CPAP: variants seen among roughly 807,000 people sequenced by gnomAD.
CPAP encodes centrosomal P4.1-associated protein.
the CPAP span, among the ~76,000 whole-genome samples, chr13:24,915,505 T>C: frequency 1.3e-5 from 2 of 152,000 alleles, no homozygotes. Flanking sequence ...TTGAGGGTAG[T>C]CAAAAAGAGA....
chr13:24,933,346 C>A, the CPAP span: 1 of 439,182 alleles, frequency 2.3e-6, no homozygotes, highest in Non-Finnish European at 4.1e-6. Context: ...TTCCCTGAAC[C>A]GCAGGACAAT....
the CPAP span, chr13:24,883,322 T>C: frequency 1.2e-6 from 2 of 1,613,960 alleles, no homozygotes; most frequent in South Asian, 1.1e-5. Context: ...CTGGGCAGTA[T>C]GTAGTTCTCT....
the CPAP span, chr13:24,912,712 C>G: frequency 1.2e-6 from 2 of 1,614,122 alleles, no homozygotes; most frequent in South Asian, 2.2e-5. Context: ...TACCTGTGGT[C>G]CCTTTTTAAT....
At chr13:24,889,170 G>A in the CPAP span, 2 of 685,996 alleles carry the variant, frequency 2.9e-6, no homozygotes, top group South Asian at 1.6e-5. Context: ...ATAAGATGAT[G>A]CACAGGAGCT....
the CPAP span, among the ~76,000 whole-genome samples, chr13:24,890,980 T>A: frequency 6.6e-6 from 1 of 151,692 alleles, no homozygotes; most frequent in South Asian, 2.1e-4. Flanking sequence ...AAAAAAAAAA[T>A]TCCCCTATGG....
At chr13:24,900,636 C>A in the CPAP span, among the ~76,000 whole-genome samples, 171 of 152,102 alleles carry the variant, frequency 1.1e-3, no homozygotes, top group Non-Finnish European at 1.2e-3. Context: ...GAGTGAAACT[C>A]CATCTCAAAA....
At chr13:24,885,376 G>A in the CPAP span, 1 of 1,611,428 alleles carries the variant, frequency 6.2e-7, no homozygotes. Flanking sequence ...TGGCTCCCTG[G>A]GAGAGGCAGC....
chr13:24,933,344 A>G, the CPAP span, among the ~76,000 whole-genome samples: 7 of 152,174 alleles, frequency 4.6e-5, no homozygotes, highest in African/African-American at 1.7e-4. Context: ...TGTTCCCTGA[A>G]CCGCAGGACA....
chr13:24,908,095 T>C, the CPAP span: 1 of 1,612,830 alleles, frequency 6.2e-7, no homozygotes, highest in Non-Finnish European at 8.5e-7. Flanking sequence ...GAATCTGTTC[T>C]GTCACTTTCT....
chr13:24,905,942 T>C, the CPAP span: 13 of 1,614,098 alleles, frequency 8.1e-6, no homozygotes, highest in South Asian at 1.1e-5. Context: ...ACTGTCACTA[T>C]TTGGAACACC....
the CPAP span, chr13:24,909,985 G>T: frequency 2.5e-6 from 4 of 1,614,098 alleles, no homozygotes; most frequent in Non-Finnish European, 3.4e-6. Flanking sequence ...GTTGGGTCCG[G>T]GTAGACATAT....
chr13:24,919,668 C>G, the CPAP span, among the ~76,000 whole-genome samples: 1 of 152,254 alleles, frequency 6.6e-6, no homozygotes, highest in African/African-American at 2.4e-5. Flanking sequence ...CATTCTCCCA[C>G]CTTGGCTTCC....
chr13:24,894,708 G>GGGGC, the CPAP span, among the ~76,000 whole-genome samples: 1 of 152,150 alleles, frequency 6.6e-6, no homozygotes, highest in Admixed American at 6.5e-5. Flanking sequence ...ACGCGCGGAG[G>GGGGC]AGACAGAAGG....
chr13:24,890,328 C>T, the CPAP span, among the ~76,000 whole-genome samples: 3 of 152,100 alleles, frequency 2.0e-5, no homozygotes, highest in African/African-American at 7.2e-5. Context: ...AGGTTGGGAG[C>T]GGCGGGGAGA....
the CPAP span, chr13:24,905,256 GA>G: frequency 8.0e-7 from 1 of 1,256,024 alleles, no homozygotes; most frequent in Non-Finnish European, 1.2e-6. Context: ...GAGCAATAAG[GA>G]AAGTTAGGAT....
the CPAP span, among the ~76,000 whole-genome samples, chr13:24,921,306 G>A: frequency 6.6e-6 from 1 of 152,052 alleles, no homozygotes; most frequent in Non-Finnish European, 1.5e-5. Flanking sequence ...GAACTTTCTC[G>A]AAGAGCGACA....
At chr13:24,894,995 G>A in the CPAP span, among the ~76,000 whole-genome samples, 12 of 152,210 alleles carry the variant, frequency 7.9e-5, no homozygotes, top group Non-Finnish European at 1.5e-4. Flanking sequence ...CGCGGCTGGG[G>A]CGCAGACTTC....
chr13:24,906,063 G>C, the CPAP span: 10 of 1,613,718 alleles, frequency 6.2e-6, no homozygotes, highest in African/African-American at 2.7e-5. Flanking sequence ...GACAATGAAT[G>C]AAGTTGTTTG....
chr13:24,899,849 T>A, the CPAP span, among the ~76,000 whole-genome samples: 1 of 151,946 alleles, frequency 6.6e-6, no homozygotes, highest in Non-Finnish European at 1.5e-5. Context: ...CTCAAGTCTA[T>A]AATCCCAACA....
Sources: gnomAD v4.1 joint callset for allele counts (sites outside exome capture counted in the v4.1 genomes callset) on GRCh38, gnomAD v4.1.1 for gene constraint, MANE v1.5 for transcripts, NCBI Gene and HGNC (gene_info 2026-07-23, HGNC 2026-07-21) for gene names.